The following SMAD2 variants were observed in gnomAD, a reference collection of about 807,000 sequenced individuals.
SMAD2 encodes the protein SMAD family member 2.
Under a neutral mutation model 64.4 loss-of-function variants are expected in SMAD2, and 8 were observed. The ratio of observed to expected loss-of-function variants is 0.12; its 90% CI spans 0.07 to 0.22. The LOEUF (loss-of-function observed/expected upper bound fraction) is 0.22. Ranked by LOEUF, SMAD2 falls within the 10% of genes least tolerant of loss-of-function variation. The pLI is 1.00. For synonymous variants in SMAD2, 203 were observed against 195.8 expected (o/e 1.04, Z -0.31); for missense variants, 289 against 561.2 (o/e 0.51, Z 4.90).
At chr18:47,847,699 GCAAA>G (rs1914651637) in intron 8 of SMAD2, among the ~76,000 whole-genome samples, 1 of 43,576 alleles carries the variant, frequency 2.3e-5, no homozygotes, top group African/African-American at 1.2e-4. Flanking sequence ...TATTTCCAAA[GCAAA>G]AAAAAAAAAA....
At chr18:47,871,060 G>A (rs1233123641) in intron 2 of SMAD2, among the ~76,000 whole-genome samples, 1 of 152,068 alleles carries the variant, frequency 6.6e-6, no homozygotes, top group African/African-American at 2.4e-5. Context: ...AAATTATTTT[G>A]TTCTCATCTC....
rs1448329703 is a variant in SMAD2 at position 47,814,188 on chromosome 18, T to A, written c.*27639A>T. The A allele has an allele frequency of 6.6e-6, 1 of 151,786 alleles. No individual in the cohort carries two copies. The highest frequency in any genetic ancestry group is 1.5e-5 in the Non-Finnish European group (1 of 68,050). The allele number at this position is 151,786 out of a possible 1,614,324, so 9.4% of individuals were successfully genotyped here. On this transcript the variant is annotated 3_prime_UTR_variant, in exon 11 of 11. Transcript: ENST00000262160. ...TCCATTTTCTTCATATATGCCCCCC[T>A]GCTGTCTTTCCAATAAAGGTAAGCC...
intron 10 of SMAD2, among the ~76,000 whole-genome samples, chr18:47,842,916 A>T (rs1914109831): frequency 6.6e-6 from 1 of 152,246 alleles, no homozygotes; most frequent in South Asian, 2.1e-4. Flanking sequence ...TTTGCTATAC[A>T]GAATAAAGTC....
rs1913913295 is a variant in SMAD2 at position 47,841,151 on chromosome 18, A to C, written c.*676T>G. The C allele has an allele frequency of 5.8e-6, 1 of 173,794 alleles. No individual in the cohort carries two copies. Among genetic ancestry groups the C allele is most frequent in the Non-Finnish European group, 1.0e-5 (1 of 100,168 alleles). The allele number at this position is 173,794 out of a possible 1,614,324, so 10.8% of individuals were successfully genotyped here. A position where few individuals can be genotyped will look rare whatever the true frequency, so the allele number is the denominator to read the frequency against. ...TATAATAAGATTTAGCAGTTAAAAA[A>C]AAAAACAAAAAAAAACAAAAAACCA... On this transcript the variant is annotated 3_prime_UTR_variant, in exon 11 of 11. Coordinates refer to ENST00000262160, the MANE Select transcript of SMAD2 (RefSeq NM_005901.6).
intron 7 of SMAD2, among the ~76,000 whole-genome samples, chr18:47,851,030 T>C (rs2030007823): frequency 1.3e-5 from 2 of 149,096 alleles, no homozygotes; most frequent in South Asian, 4.2e-4. Flanking sequence ...ATGAGGAATA[T>C]GATTTCAATA....
At position 47,895,752 on chromosome 18, in the gene SMAD2, G is replaced by A. The variant is rs573130715; in HGVS notation, c.236+769C>T. On this transcript the variant is annotated intron_variant, in intron 2 of 10. Transcript: ENST00000262160. ...TCTGTTATCTATAAGCATCAAAAGTGTACTTCTCAAAGTTCAAAGTCAAGT... is the reference window on the plus strand; with the variant it reads ...TCTGTTATCTATAAGCATCAAAAGTATACTTCTCAAAGTTCAAAGTCAAGT... 2.0e-5 allele frequency: 3 copies of A among 152,374 alleles called. No homozygotes were observed. In the East Asian group the frequency reaches 5.8e-4, roughly 29 times the overall value. The allele number at this position is 152,374 out of a possible 1,614,324, so 9.4% of individuals were successfully genotyped here.
Position 47,834,768 on chromosome 18 carries a change from AGT to A in SMAD2, c.*7057_*7058del, listed in dbSNP as rs1913253776. ...TCTAAAGGTTCTTCTAGCTTTGTCC[AGT>A]TATATGGTATTTTACTGTATTCTCT... is the stretch of plus-strand genomic sequence containing the variant. On this transcript the variant is annotated 3_prime_UTR_variant, in exon 11 of 11. Coordinates refer to ENST00000262160, the MANE Select transcript of SMAD2 (RefSeq NM_005901.6). 4.5e-6 allele frequency: 1 copy of A among 221,320 alleles called. No homozygotes were observed. The highest frequency in any genetic ancestry group is 5.8e-5 in the Admixed American group (1 of 17,318). 13.7% of individuals were successfully genotyped at this position (221,320 alleles called of 1,614,324 possible).
chr18:47,847,261 G>A (rs547616484), intron 8 of SMAD2, among the ~76,000 whole-genome samples: 59 of 152,176 alleles, frequency 3.9e-4, no homozygotes, highest in African/African-American at 1.3e-3. Flanking sequence ...AGCAAGATTT[G>A]AGAACTTCCA....
chr18:47,835,437 A>AT lies in SMAD2; in HGVS notation c.*6389dup. 8 of 200,440 alleles carry AT rather than the reference A, an allele frequency of 4.0e-5. No homozygotes were observed. Among genetic ancestry groups the AT allele is most frequent in the Admixed American group, 1.2e-4 (2 of 16,614 alleles). 12.4% of individuals were successfully genotyped at this position (200,440 alleles called of 1,614,324 possible). ...AAAGGATCCTCCTGTTTCTCATCAA[A>AT]TTTTTTTTCAGCTCGAACAATCCAA... On this transcript the variant is annotated 3_prime_UTR_variant, in exon 11 of 11. Transcript: ENST00000262160.
rs975917167 is a variant in SMAD2, at chr18:47,829,282, T to C, written c.*12545A>G. The C allele has an allele frequency of 2.0e-5, 3 of 152,224 alleles. No individual in the cohort carries two copies. Among genetic ancestry groups the C allele is most frequent in the African/African-American group, 7.2e-5 (3 of 41,462 alleles). The allele number at this position is 152,224 out of a possible 1,614,324, so 9.4% of individuals were successfully genotyped here. ...CAACCATCAATGTCCTATTCATTCA[T>C]ACCTCCATCTACTTCCTCTGTCACA... On this transcript the variant is annotated 3_prime_UTR_variant, in exon 11 of 11. Transcript: ENST00000262160.
intron 6 of SMAD2, among the ~76,000 whole-genome samples, chr18:47,862,463 C>A (rs537011017): frequency 5.3e-5 from 8 of 152,224 alleles, no homozygotes; most frequent in Non-Finnish European, 8.8e-5. Flanking sequence ...GGTTTCCCAA[C>A]AATCCTAGGA....
chr18:47,830,921 TTGGC>T lies in SMAD2; in HGVS notation c.*10902_*10905del, dbSNP rs1912964183. 1 of 152,922 alleles carries T rather than the reference TTGGC, an allele frequency of 6.5e-6. No homozygotes were observed. The highest frequency in any genetic ancestry group is 6.5e-5 in the Admixed American group (1 of 15,290). The allele number at this position is 152,922 out of a possible 1,614,324, so 9.5% of individuals were successfully genotyped here. A position where few individuals can be genotyped will look rare whatever the true frequency, so the allele number is the denominator to read the frequency against. On this transcript the variant is annotated 3_prime_UTR_variant, in exon 11 of 11. Transcript: ENST00000262160. Reference sequence around the variant, plus strand: ...AATGGCTTCTCTAGATGAATCATCTTTGGCTGTGAGCAAAAAAGTTAACTAAGTT... The same window carrying T: ...AATGGCTTCTCTAGATGAATCATCTTTGTGAGCAAAAAAGTTAACTAAGTT...
At chr18:47,910,955 T>A (rs1167032342) in intron 1 of SMAD2, among the ~76,000 whole-genome samples, 2 of 152,170 alleles carry the variant, frequency 1.3e-5, no homozygotes. Context: ...AAAGAAACAT[T>A]AAATAAAAGC....
chr18:47,879,495 C>CGTGTGT (rs58440360), intron 2 of SMAD2, among the ~76,000 whole-genome samples: 5,302 of 141,380 alleles, frequency 0.038, 234 homozygotes, highest in African/African-American at 0.11. Context: ...ATGTATATGA[C>CGTGTGT]GTGTGTGTGT....
At chr18:47,855,397 A>G (rs2030581476) in intron 6 of SMAD2, among the ~76,000 whole-genome samples, 1 of 152,162 alleles carries the variant, frequency 6.6e-6, no homozygotes, top group African/African-American at 2.4e-5. Flanking sequence ...CTGCTAAACC[A>G]TATGGTAAGA....
intron 2 of SMAD2, among the ~76,000 whole-genome samples, chr18:47,886,559 C>A (rs1162276253): frequency 7.1e-6 from 1 of 140,094 alleles, no homozygotes; most frequent in East Asian, 2.1e-4. Flanking sequence ...GAAACTATAT[C>A]TATATCTATC....
intron 10 of SMAD2, 196 bp downstream of exon 10, chr18:47,845,144 T>C: frequency 1.5e-6 from 1 of 661,548 alleles, no homozygotes; most frequent in South Asian, 1.7e-5. Context: ...TGTGCATGTT[T>C]TAATATCTTC....
At chr18:47,886,258 C>G (rs2144436002) in intron 2 of SMAD2, among the ~76,000 whole-genome samples, 1 of 152,252 alleles carries the variant, frequency 6.6e-6, no homozygotes, top group African/African-American at 2.4e-5. Flanking sequence ...AAAATCAACT[C>G]AAATCTGTAT....
intron 2 of SMAD2, among the ~76,000 whole-genome samples, chr18:47,880,516 T>C (rs985678897): frequency 6.6e-6 from 1 of 152,230 alleles, no homozygotes; most frequent in Admixed American, 6.5e-5. Flanking sequence ...TACTATGGCT[T>C]CAAGGTGAGT....
Sources: gnomAD v4.1 joint callset for allele counts (sites outside exome capture counted in the v4.1 genomes callset) on GRCh38, gnomAD v4.1.1 for gene constraint, MANE v1.5 for transcripts, NCBI Gene and HGNC (gene_info 2026-07-23, HGNC 2026-07-21) for gene names.